ABCC8: variants seen among roughly 807,000 people sequenced by gnomAD.
The protein encoded by ABCC8 is ATP-binding cassette sub-family C member 8.
A neutral mutation model predicts 188.0 loss-of-function variants in ABCC8; 137 were observed. The ratio of observed to expected loss-of-function variants is 0.73; its 90% confidence interval spans 0.63 to 0.84. ABCC8 has a LOEUF of 0.84. Among genes scored for constraint, ABCC8 ranks in the 40% least tolerant of loss-of-function variants. The probability of loss-of-function intolerance (pLI) is 0.00; values close to 1 mark genes in which losing one functional copy is unlikely to be tolerated. For missense variants in ABCC8, 1,750 were observed against 2,072.7 expected, an observed-to-expected ratio of 0.84 and a Z score of 3.02; for synonymous variants, 797 against 846.5, an observed-to-expected ratio of 0.94 and a Z score of 1.01.
intron 16 of ABCC8, among the ~76,000 whole-genome samples, chr11:17,421,620 C>T (rs548227583): frequency 6.6e-5 from 10 of 152,258 alleles, no homozygotes; most frequent in South Asian, 4.1e-4. Flanking sequence ...CAAAGAAGTA[C>T]ACTATTGAAT....
Position 17,404,597 on chromosome 11 carries a change from A to G in ABCC8, c.3472T>C (p.Tyr1158His). Residue 1158 changes from tyrosine (Y) to histidine (H), a missense_variant, in exon 28 of 39, where the codon TAT (tyrosine) becomes CAT (histidine). Transcript: ENST00000389817. This position sits in a 1 kb window ranked among gnomAD's most constrained non-coding sequence, Gnocchi z 4.7. ...LCVSALAVIS[Y>H]VTPVFLVALL... ...GCCACGAGGAACACAGGTGTGACAT[A>G]GGAGATGACGGCCAGGGCTGAGACA... is the stretch of plus-strand genomic sequence containing the variant. 1 of 1,614,060 alleles carries G rather than the reference A, an allele frequency of 6.2e-7. No individual in the cohort carries two copies. The highest frequency in any genetic ancestry group is 1.7e-5 in the Admixed American group (1 of 60,024).
rs139867935 is a variant in ABCC8 at position 17,447,639 on chromosome 11, G to A, written c.1332+877C>T. Among the ~76,000 whole-genome samples, 663 of 152,108 alleles carry A rather than the reference G, an allele frequency of 4.4e-3. 5 individuals carry two copies. Among genetic ancestry groups the A allele is most frequent in the African/African-American group, 0.016 (643 of 41,474 alleles). On this transcript the variant is annotated intron_variant, in intron 8 of 38. Transcript: ENST00000389817. ...TTTTGAGACAAGGTGTCACTCTATCGCCCAGGCTGGAGTGCAGTGGTGTGA... is the reference window on the plus strand; with the variant it reads ...TTTTGAGACAAGGTGTCACTCTATCACCCAGGCTGGAGTGCAGTGGTGTGA...
intron 16 of ABCC8, among the ~76,000 whole-genome samples, chr11:17,419,481 T>C (rs924339935): frequency 2.0e-5 from 3 of 152,216 alleles, no homozygotes; most frequent in Non-Finnish European, 4.4e-5. Flanking sequence ...GGAGAACTTT[T>C]GGGGAAAAGT....
chr11:17,399,749 C>T (rs1183457084), intron 29 of ABCC8, among the ~76,000 whole-genome samples: 1 of 152,236 alleles, frequency 6.6e-6, no homozygotes, highest in Non-Finnish European at 1.5e-5. Context: ...GCACCTGGCA[C>T]TATCAATAAA....
intron 31 of ABCC8, 161 bp from the exon 32 acceptor site, chr11:17,397,474 G>A: frequency 1.4e-6 from 2 of 1,476,578 alleles, no homozygotes; most frequent in Non-Finnish European, 1.8e-6. Flanking sequence ...GGCACAGGGA[G>A]GGTCAGTCAT....
At chr11:17,470,500 C>A (rs1303127195) in intron 2 of ABCC8, among the ~76,000 whole-genome samples, 1 of 152,114 alleles carries the variant, frequency 6.6e-6, no homozygotes, top group Non-Finnish European at 1.5e-5. Context: ...GGCCTGTATG[C>A]CACAACTCAC....
chr11:17,437,944 C>CA (rs940581599), intron 10 of ABCC8, among the ~76,000 whole-genome samples: 1 of 152,254 alleles, frequency 6.6e-6, no homozygotes, highest in African/African-American at 2.4e-5. Context: ...ACTAAAAATA[C>CA]AAAAAATATT....
intron 21 of ABCC8, 28 bp downstream of exon 21, chr11:17,412,638 C>A (rs1199912966): frequency 6.2e-6 from 10 of 1,601,294 alleles, no homozygotes; most frequent in Non-Finnish European, 6.8e-6. Flanking sequence ...CAGCCAGAGA[C>A]CAGGACCCCA....
At chr11:17,397,569 C>T in intron 31 of ABCC8, 115 bp downstream of exon 31, 1 of 1,456,990 alleles carries the variant, frequency 6.9e-7, no homozygotes, top group South Asian at 1.2e-5. Context: ...CCTCTGGCAT[C>T]AGATGCAAAT....
At chr11:17,413,720 G>C (rs1363867092) in intron 19 of ABCC8, among the ~76,000 whole-genome samples, 3 of 152,208 alleles carry the variant, frequency 2.0e-5, no homozygotes, top group Non-Finnish European at 4.4e-5. Context: ...CAAATATGCA[G>C]AGTAAGTGAT....
intron 13 of ABCC8, 66 bp from the exon 14 acceptor site, chr11:17,428,471 C>G: frequency 6.2e-7 from 1 of 1,601,898 alleles, no homozygotes; most frequent in Non-Finnish European, 8.5e-7. Context: ...AGCCCCTCTT[C>G]CTGGGAAAAA....
In ABCC8 at chr11:17,393,004, C is replaced by T. The variant is rs143557848; in HGVS notation, c.4733G>A (p.Arg1578His). ...RKDSVFASFV[R>H]ADK The stretch of plus-strand genomic sequence containing the variant: ...GGCTCTGGCAGGTCACTTGTCTGCA[C>T]GGACGAAGGAGGCGAAGACGCTGTC... Residue 1578 changes from arginine to histidine, a missense_variant, in exon 39 of 39, where the codon CGT becomes CAT. By Grantham distance (29) the Arg-to-His change is conservative (BLOSUM62 0). Transcript: ENST00000389817. 33 of 1,613,984 alleles carry T rather than the reference C, an allele frequency of 2.0e-5. No individual in the cohort carries two copies. Among genetic ancestry groups the T allele is most frequent in the African/African-American group, 8.0e-5 (6 of 74,938 alleles).
chr11:17,404,435 C>G lies in ABCC8; in HGVS notation c.3557+77G>C. The G allele has an allele frequency of 6.9e-7, 1 of 1,441,008 alleles. No homozygotes were observed. Among genetic ancestry groups the G allele is most frequent in the Non-Finnish European group, 9.8e-7 (1 of 1,022,662 alleles). The allele number at this position is 1,441,008 out of a possible 1,614,324, so 89.3% of individuals were successfully genotyped here. A position where few individuals can be genotyped will look rare whatever the true frequency, so the allele number is the denominator to read the frequency against. ...GGAGGGAACACGACCCTATTACTCTCATAACGATGAGTCTAGCAAGTACAC... is the reference window on the plus strand; with the variant it reads ...GGAGGGAACACGACCCTATTACTCTGATAACGATGAGTCTAGCAAGTACAC... On this transcript the variant is annotated intron_variant, in intron 28 of 38. Transcript: ENST00000389817. This position sits in a 1 kb window ranked among gnomAD's most constrained non-coding sequence, Gnocchi z 4.7.
chr11:17,430,571 G>A (rs560003173), intron 12 of ABCC8: 17 of 538,098 alleles, frequency 3.2e-5, no homozygotes, highest in Non-Finnish European at 4.7e-5. Context: ...TTAAGTTGTC[G>A]TGAAAGTGAC....
intron 6 of ABCC8, among the ~76,000 whole-genome samples, chr11:17,459,096 T>C (rs916652252): frequency 3.3e-5 from 5 of 152,178 alleles, no homozygotes; most frequent in Non-Finnish European, 7.4e-5. Flanking sequence ...TGAGAGACCC[T>C]GGGGAAAATT....
chr11:17,400,410 A>C (rs1017859102), intron 29 of ABCC8, among the ~76,000 whole-genome samples: 27 of 152,146 alleles, frequency 1.8e-4, no homozygotes, highest in African/African-American at 6.0e-4. Flanking sequence ...GGCAAGTGTG[A>C]GATGGGAGCT....
chr11:17,475,094 C>T (rs1564998418), intron 1 of ABCC8, 67 bp from the exon 2 acceptor site: 1 of 1,600,896 alleles, frequency 6.2e-7, no homozygotes, highest in South Asian at 1.1e-5. Flanking sequence ...TGCATGAACC[C>T]CAGAAAGGTG....
chr11:17,464,693 G>A (rs531939041), intron 3 of ABCC8, among the ~76,000 whole-genome samples: 27 of 152,140 alleles, frequency 1.8e-4, no homozygotes, highest in Non-Finnish European at 1.9e-4. Flanking sequence ...CTAAATTCTC[G>A]CACACACACT....
chr11:17,474,852 A>G (rs767804874), intron 2 of ABCC8, 34 bp downstream of exon 2: 3 of 1,609,846 alleles, frequency 1.9e-6, no homozygotes, highest in Non-Finnish European at 2.6e-6. Context: ...CCTGGAGCAG[A>G]TTCACTTTCC....
Sources: allele counts gnomAD v4.1 joint callset (sites outside exome capture counted in the v4.1 genomes callset), GRCh38; gene constraint gnomAD v4.1.1; non-coding constraint Gnocchi (gnomAD v3.1); transcripts MANE v1.5; gene names NCBI Gene and HGNC (gene_info 2026-07-23, HGNC 2026-07-21).